NTN1: variants seen among roughly 807,000 people sequenced by gnomAD.
The protein encoded by NTN1 is netrin 1.
NTN1 carries 11 observed loss-of-function variants against 54.2 expected under a neutral mutation model. The observed-to-expected ratio is 0.20, with a 90% CI of 0.13 to 0.34. NTN1 has a LOEUF of 0.34. Among genes scored for constraint, NTN1 ranks in the 10% least tolerant of loss-of-function variants. The pLI, the probability that NTN1 is intolerant of heterozygous loss-of-function variation, is 1.00. For synonymous variants in NTN1, 371 were observed against 382.0 expected, an observed-to-expected ratio of 0.97 and a Z score of 0.33; for missense variants, 740 against 893.1, an observed-to-expected ratio of 0.83 and a Z score of 2.18.
At chr17:9,202,029 T>TAC (rs1200661283) in intron 5 of NTN1, among the ~76,000 whole-genome samples, 1,362 of 26,832 alleles carry the variant, frequency 0.051, 65 homozygotes, top group East Asian at 0.17. Flanking sequence ...CTACTAAAAA[T>TAC]ACACACACAC....
intron 5 of NTN1, among the ~76,000 whole-genome samples, chr17:9,190,217 TAAAGA>T (rs1467017237): frequency 7.2e-5 from 11 of 152,214 alleles, no homozygotes; most frequent in Admixed American, 2.0e-4. Flanking sequence ...AGCACATATG[TAAAGA>T]AAAGAACAAG....
intron 6 of NTN1, among the ~76,000 whole-genome samples, chr17:9,223,886 A>G (rs1279071237): frequency 6.6e-6 from 1 of 152,158 alleles, no homozygotes; most frequent in East Asian, 1.9e-4. Flanking sequence ...AACCTCGGCA[A>G]GGAGGTAGGA....
At chr17:9,026,652 T>A (rs923362000) in intron 2 of NTN1, among the ~76,000 whole-genome samples, 3 of 144,062 alleles carry the variant, frequency 2.1e-5, no homozygotes, top group African/African-American at 7.8e-5. Context: ...CCTTCCCCCC[T>A]CCCCGCCCTT....
intron 2 of NTN1, among the ~76,000 whole-genome samples, chr17:9,065,671 T>G (rs1200337883): frequency 6.6e-6 from 1 of 152,224 alleles, no homozygotes; most frequent in Non-Finnish European, 1.5e-5. Flanking sequence ...GTATAGCCCG[T>G]GAGCTCAGTA....
intron 2 of NTN1, among the ~76,000 whole-genome samples, chr17:9,068,306 T>A (rs889767334): frequency 1.3e-5 from 2 of 152,002 alleles, no homozygotes; most frequent in African/African-American, 2.4e-5. Flanking sequence ...CTCAGCCTCC[T>A]GAGGAGCTAG....
chr17:9,115,322 G>A (rs147154479), intron 2 of NTN1, among the ~76,000 whole-genome samples: 1 of 152,328 alleles, frequency 6.6e-6, no homozygotes, highest in East Asian at 1.9e-4. Context: ...GGCAATGGAG[G>A]TGGTTTTGAG....
chr17:9,062,438 G>T (rs1372489002), intron 2 of NTN1, among the ~76,000 whole-genome samples: 1 of 152,072 alleles, frequency 6.6e-6, no homozygotes. Flanking sequence ...AATGTTACTC[G>T]AGCTTTCTGA....
chr17:9,148,393 C>A lies in NTN1; in HGVS notation c.1019-14420C>A, dbSNP rs78476661. On this transcript the variant is annotated intron_variant, in intron 2 of 6. Coordinates refer to ENST00000173229, the MANE Select transcript of NTN1 (RefSeq NM_004822.3). ...CTGTTGAGTTGAGGGGCCCTTTTAA[C>A]CTCTTCTGGGACTTGTGGAGACTGA... Among the ~76,000 whole-genome samples, 23 of 152,238 alleles carry A rather than the reference C, an allele frequency of 1.5e-4. No individual in the cohort carries two copies. The East Asian group carries it at 4.4e-3, about 29-fold the overall frequency.
intron 5 of NTN1, among the ~76,000 whole-genome samples, chr17:9,215,488 C>CTT (rs1567741263): frequency 1.3e-5 from 2 of 152,164 alleles, no homozygotes; most frequent in Non-Finnish European, 2.9e-5. Flanking sequence ...CCCCTGTAAA[C>CTT]TCTTACTTTT....
chr17:9,180,183 C>T (rs988566644), intron 4 of NTN1, among the ~76,000 whole-genome samples: 8 of 152,252 alleles, frequency 5.3e-5, no homozygotes, highest in South Asian at 2.1e-4. Flanking sequence ...GAATTACAGG[C>T]GCAAGCCTTC....
chr17:9,140,645 G>A (rs529245239), intron 2 of NTN1, among the ~76,000 whole-genome samples: 46 of 152,154 alleles, frequency 3.0e-4, no homozygotes, highest in African/African-American at 1.1e-3. Flanking sequence ...AGTTGGCCAC[G>A]CAAAATGTAA....
intron 6 of NTN1, among the ~76,000 whole-genome samples, chr17:9,234,582 T>G (rs1159064780): frequency 6.6e-6 from 1 of 152,234 alleles, no homozygotes; most frequent in East Asian, 1.9e-4. Flanking sequence ...CCTCCAGGGT[T>G]CCAGTTCCCA....
intron 2 of NTN1, among the ~76,000 whole-genome samples, chr17:9,143,120 A>G (rs1003358101): frequency 6.6e-6 from 1 of 152,196 alleles, no homozygotes; most frequent in African/African-American, 2.4e-5. Context: ...TGGTTTTCTG[A>G]AAGTATCCAT....
chr17:9,040,804 T>G lies in NTN1; in HGVS notation c.1018+17413T>G, dbSNP rs72809954. Among the ~76,000 whole-genome samples the G allele has an allele frequency of 5.8e-3, 876 of 152,168 alleles. 3 individuals are homozygous for G. The highest frequency in any genetic ancestry group is 8.6e-3 in the Non-Finnish European group (584 of 67,986). On this transcript the variant is annotated intron_variant, in intron 2 of 6. Transcript: ENST00000173229. Reference sequence around the variant, plus strand: ...GAGGGTTGCTCTTTCTTACTTTTTTTTTTGTTTGTTTTTTTGTTGGAGAGA... The same window carrying G: ...GAGGGTTGCTCTTTCTTACTTTTTTGTTTGTTTGTTTTTTTGTTGGAGAGA...
intron 2 of NTN1, among the ~76,000 whole-genome samples, chr17:9,123,466 C>T (rs959689627): frequency 6.6e-6 from 1 of 152,180 alleles, no homozygotes; most frequent in African/African-American, 2.4e-5. Context: ...TGCTTTTTGA[C>T]ATATAAAAGT....
At chr17:9,222,753 C>T (rs908781271) in intron 6 of NTN1, among the ~76,000 whole-genome samples, 9 of 152,142 alleles carry the variant, frequency 5.9e-5, no homozygotes, top group African/African-American at 2.2e-4. Flanking sequence ...CCTAACTGGG[C>T]CAGCTGCTTG....
intron 2 of NTN1, among the ~76,000 whole-genome samples, chr17:9,144,488 C>T (rs1004765137): frequency 2.0e-5 from 3 of 152,306 alleles, no homozygotes; most frequent in Admixed American, 6.5e-5. Context: ...ACTCCTGCAT[C>T]GGCTCTTGAC....
At position 9,208,106 on chromosome 17, in the gene NTN1, C is replaced by T. The variant is rs572582175; in HGVS notation, c.1412-13062C>T. Among the ~76,000 whole-genome samples the T allele has an allele frequency of 1.7e-4, 26 of 152,284 alleles. No individual in the cohort carries two copies. The South Asian group carries it at 5.4e-3, about 32-fold the overall frequency. ...AATTAGCCAGGCGTAGTGGTGTGTGCCTGTAATCCCAGCTACTCGGGAGGC... is the reference window on the plus strand; with the variant it reads ...AATTAGCCAGGCGTAGTGGTGTGTGTCTGTAATCCCAGCTACTCGGGAGGC... On this transcript the variant is annotated intron_variant, in intron 5 of 6. Coordinates refer to ENST00000173229, the MANE Select transcript of NTN1 (RefSeq NM_004822.3).
At chr17:9,057,312 A>G (rs1337028545) in intron 2 of NTN1, among the ~76,000 whole-genome samples, 1 of 152,150 alleles carries the variant, frequency 6.6e-6, no homozygotes, top group Non-Finnish European at 1.5e-5. Flanking sequence ...ACAACTGGCA[A>G]TTGGGGTATG....
Sources: allele counts gnomAD v4.1 joint callset (sites outside exome capture counted in the v4.1 genomes callset), GRCh38; gene constraint gnomAD v4.1.1; transcripts MANE v1.5; gene names NCBI Gene and HGNC (gene_info 2026-07-23, HGNC 2026-07-21).